WDR74: variants seen among roughly 807,000 people sequenced by gnomAD.
WDR74 encodes WD repeat-containing protein 74.
In WDR74, 31 loss-of-function variants were observed where a neutral mutation model predicts 45.6. That is an observed-to-expected ratio of 0.68 (90% CI 0.51 to 0.92). The LOEUF is 0.92. Among genes scored for constraint, WDR74 ranks in the 40% least tolerant of loss-of-function variants. The pLI, the probability that WDR74 is intolerant of heterozygous loss-of-function variation, is 0.00. For synonymous variants in WDR74, 191 were observed against 192.4 expected (o/e 0.99, Z 0.06); for missense variants, 455 against 497.2 (o/e 0.92, Z 0.81).
intron 6 of WDR74, 44 bp from the exon 7 acceptor site, chr11:62,834,571 C>A (rs1330364068): frequency 6.5e-7 from 1 of 1,548,520 alleles, no homozygotes; most frequent in Admixed American, 1.7e-5. Flanking sequence ...TCACCCTGCA[C>A]CTACCCTCTG....
chr11:62,837,421 T>C lies in WDR74; in HGVS notation c.294-1385A>G, dbSNP rs551451873. Among the ~76,000 whole-genome samples the C allele has an allele frequency of 2.9e-4, 43 of 146,098 alleles. No homozygotes were observed. In the South Asian group the frequency reaches 8.9e-3, roughly 30 times the overall value. On this transcript the variant is annotated intron_variant, in intron 3 of 10. Transcript: ENST00000278856. ...CTGAGGCAAGAGAATCGCTTGAGCC[T>C]GGGAGGCAGAAGTTGCAGTGAGCCG...
At chr11:62,834,010 C>A (rs1239033300) in intron 8 of WDR74, 73 bp from the exon 9 acceptor site, 5 of 1,569,240 alleles carry the variant, frequency 3.2e-6, no homozygotes, top group South Asian at 1.2e-5. Context: ...CTGTTCCAAT[C>A]ACTTTCCATT....
At chr11:62,841,155 A>T (rs1177503483), upstream of WDR74, among the ~76,000 whole-genome samples, 1 of 152,112 alleles carries the variant, frequency 6.6e-6, no homozygotes, top group Non-Finnish European at 1.5e-5. Flanking sequence ...CGTCTCTATT[A>T]AAAGTATAAA....
upstream of WDR74, chr11:62,841,722 T>A (rs539879225): frequency 1.3e-5 from 2 of 152,156 alleles, no homozygotes; most frequent in South Asian, 2.1e-4. Context: ...CCATTTAATA[T>A]ATTGTCCTCG....
chr11:62,840,471 T>TC (rs2085030453), upstream of WDR74: 1 of 149,520 alleles, frequency 6.7e-6, no homozygotes, highest in Admixed American at 6.7e-5. Flanking sequence ...CGTCAGAGAC[T>TC]CCGTCTCAAA....
At chr11:62,841,458 A>T (rs1461755641), upstream of WDR74, 1 of 152,244 alleles carries the variant, frequency 6.6e-6, no homozygotes, top group African/African-American at 2.4e-5. Context: ...GCTCAGTTAT[A>T]AAACAAAACC....
At chr11:62,839,603 C>T (rs1345745747), upstream of WDR74, 2 of 1,575,894 alleles carry the variant, frequency 1.3e-6, no homozygotes, top group Non-Finnish European at 1.7e-6. Flanking sequence ...TTCACACTTC[C>T]GGCGCAGCGT....
At chr11:62,841,490 A>G (rs924579814), upstream of WDR74, 2 of 152,206 alleles carry the variant, frequency 1.3e-5, no homozygotes, top group Non-Finnish European at 2.9e-5. Context: ...AGACACTCAA[A>G]CACGCGTCAT....
intron 10 of WDR74, 60 bp from the exon 11 acceptor site, chr11:62,833,191 T>C (rs529772315): frequency 1.3e-6 from 2 of 1,553,660 alleles, no homozygotes; most frequent in East Asian, 2.3e-5. Flanking sequence ...CTCCCACCTG[T>C]AATCTCAGCA....
intron 3 of WDR74, 66 bp from the exon 4 acceptor site, chr11:62,836,102 C>T: frequency 1.1e-5 from 16 of 1,436,886 alleles, no homozygotes; most frequent in Non-Finnish European, 1.4e-5. Context: ...TCTTTCTCTC[C>T]TCCTTACTAC....
chr11:62,836,046 A>C lies in WDR74; in HGVS notation c.294-10T>G. On this transcript the variant is annotated splice_polypyrimidine_tract_variant and intron_variant, in intron 3 of 10. Coordinates refer to ENST00000278856, the MANE Select transcript of WDR74 (RefSeq NM_001369450.1). ...ACATGTGATGAGGGTGCTGCAGAGA[A>C]AGGATAGAGTTGGGATTTTTTAAGT... The C allele has an allele frequency of 1.3e-6, 2 of 1,576,838 alleles. No homozygotes were observed. The highest frequency in any genetic ancestry group is 1.7e-6 in the Non-Finnish European group (2 of 1,160,662).
upstream of WDR74, among the ~76,000 whole-genome samples, chr11:62,841,271 C>G (rs2085041982): frequency 6.6e-6 from 1 of 152,114 alleles, no homozygotes; most frequent in South Asian, 2.1e-4. Context: ...GAGCTGAGAT[C>G]ATGCCATTGC....
intron 3 of WDR74, among the ~76,000 whole-genome samples, chr11:62,837,286 A>C (rs1426901516): frequency 6.6e-6 from 1 of 152,126 alleles, no homozygotes; most frequent in East Asian, 1.9e-4. Context: ...TGAGGTCAGG[A>C]GTTCCAGACT....
intron 6 of WDR74, 165 bp downstream of exon 6, chr11:62,835,266 G>A: frequency 1.6e-6 from 1 of 628,410 alleles, no homozygotes. Flanking sequence ...CTAGAATACA[G>A]TAGAGGAAGG....
intron 3 of WDR74, chr11:62,836,325 C>T (rs1038670282): frequency 1.9e-5 from 7 of 367,952 alleles, no homozygotes; most frequent in African/African-American, 8.3e-5. Context: ...GAAATAGAAG[C>T]GCTGAGAAAC....
chr11:62,834,582 G>C (rs1335991609), intron 6 of WDR74, 55 bp from the exon 7 acceptor site: 9 of 1,491,996 alleles, frequency 6.0e-6, no homozygotes, highest in African/African-American at 2.8e-5. Context: ...CTACCCTCTG[G>C]CGTCTCTGCA....
upstream of WDR74, chr11:62,841,621 A>C (rs149619060): frequency 6.6e-6 from 1 of 152,212 alleles, no homozygotes; most frequent in East Asian, 1.9e-4. Flanking sequence ...CCCCGAAGGG[A>C]GAGTGCACCG....
Position 62,834,436 on chromosome 11 carries a change from G to T in WDR74, c.710C>A (p.Pro237Gln), listed in dbSNP as rs767241559. Residue 237 changes from proline to glutamine, a missense_variant, in exon 7 of 11, where the codon CCG (proline) becomes CAG (glutamine). Pro to Gln is a moderately conservative substitution (Grantham distance 76, BLOSUM62 -1). Transcript: ENST00000278856. ...CCCTCTAAACACTCACTTGCCTCCC[G>T]GAGTGAGGGTCATGGCTGTTAGTGG... The part of the protein sequence containing the change: ...EYPLTAMTLT[P>Q]GGNSVIVGNT... The T allele has an allele frequency of 3.2e-6, 4 of 1,235,036 alleles. No individual in the cohort carries two copies. In the South Asian group the frequency reaches 3.5e-5, roughly 11 times the overall value. The allele number at this position is 1,235,036 out of a possible 1,614,324, so 76.5% of individuals were successfully genotyped here.
At position 62,833,082 on chromosome 11, in the gene WDR74, G is replaced by A. The variant is rs202092962; in HGVS notation, c.1028C>T (p.Thr343Ile). The part of the protein sequence containing the change: ...QEPNKVPLED[T>I]ETDELWASLE... ...GGATGCCCAAAGTTCATCTGTCTCT[G>A]TGTCTTCTAGGGGCACCTTGTTGGG... The change falls in exon 11 of 11, where the codon ACA becomes ATA. Residue 343 changes from threonine to isoleucine, a missense_variant. Thr to Ile is a moderately conservative substitution (Grantham distance 89). Transcript: ENST00000278856. The A allele has an allele frequency of 1.4e-4, 221 of 1,612,498 alleles. 1 individual carries two copies. In the African/African-American group the frequency reaches 2.8e-3, roughly 20 times the overall value.
Sources: gnomAD v4.1 joint callset for allele counts (sites outside exome capture counted in the v4.1 genomes callset) on GRCh38, gnomAD v4.1.1 for gene constraint, MANE v1.5 for transcripts, NCBI Gene and HGNC (gene_info 2026-07-23, HGNC 2026-07-21) for gene names.